LETMD1: variants seen among roughly 807,000 people sequenced by gnomAD.
The protein encoded by LETMD1 is LETM1 domain containing 1.
LETMD1 carries 30 observed loss-of-function variants against 43.9 expected under a neutral mutation model. That is an observed-to-expected ratio of 0.68 (90% CI 0.51 to 0.93). The LOEUF (loss-of-function observed/expected upper bound fraction) is 0.93. LETMD1 is among the 40% of genes least tolerant of loss of function. The pLI, the probability that LETMD1 is intolerant of heterozygous loss-of-function variation, is 0.00. For missense variants in LETMD1, 413 were observed against 447.7 expected (o/e 0.92, Z 0.70); for synonymous variants, 176 against 163.1 (o/e 1.08, Z -0.60).
rs1382285487 is a variant in LETMD1, at chr12:51,056,024, A to G, written c.660+3A>G. ...GTCTGACAGATCTGTGCACCAAGGT[A>G]TTCCTGCAGTTAACCCTTCCTACAA... On this transcript the variant is annotated splice_donor_region_variant and intron_variant, in intron 5 of 8. Coordinates refer to ENST00000262055, the MANE Select transcript of LETMD1 (RefSeq NM_015416.5). 1.2e-6 allele frequency: 2 copies of G among 1,613,108 alleles called. No individual in the cohort carries two copies. The highest frequency in any genetic ancestry group is 1.7e-6 in the Non-Finnish European group (2 of 1,179,456).
chr12:51,058,092 C>T lies in LETMD1; in HGVS notation c.976C>T (p.Leu326=). 6.2e-7 allele frequency: 1 copy of T among 1,613,384 alleles called. No individual in the cohort carries two copies. The highest frequency in any genetic ancestry group is 8.5e-7 in the Non-Finnish European group (1 of 1,179,356). The change falls in exon 8 of 9, where the codon CTG becomes TTG. Residue 326 remains leucine (L), a synonymous_variant. Coordinates refer to ENST00000262055, the MANE Select transcript of LETMD1 (RefSeq NM_015416.5). ...HIGEDRCRTW[L]GEWLQISCSL... ...TGGTGAAGATAGGTGTCGAACTTGG[C>T]TGGGAGAATGGCTGCAGATTTCCTG...
At chr12:51,056,086 A>G in intron 5 of LETMD1, 58 bp from the exon 6 acceptor site, 1 of 1,606,870 alleles carries the variant, frequency 6.2e-7, no homozygotes, top group Non-Finnish European at 8.5e-7. Flanking sequence ...GCACTAAACT[A>G]GGTAAGAGGA....
rs1327810998 is a variant in LETMD1, at chr12:51,060,104, TTC to T, written c.*675_*676del. 1 of 152,908 alleles carries T rather than the reference TTC, an allele frequency of 6.5e-6. No individual in the cohort carries two copies. The highest frequency in any genetic ancestry group is 1.5e-5 in the Non-Finnish European group (1 of 68,246). The allele number at this position is 152,908 out of a possible 1,614,324, so 9.5% of individuals were successfully genotyped here. A position where few individuals can be genotyped will look rare whatever the true frequency, so the allele number is the denominator to read the frequency against. The stretch of plus-strand genomic sequence containing the variant: ...TGCTTCTTGACCCCTTCCTCAATGT[TTC>T]TAGCCTTCACTCTCCATTGTCTTTT... On this transcript the variant is annotated 3_prime_UTR_variant, in exon 9 of 9. Coordinates refer to ENST00000262055, the MANE Select transcript of LETMD1 (RefSeq NM_015416.5).
At chr12:51,063,076 A>G (rs1260703485), downstream of LETMD1, 1 of 152,280 alleles carries the variant, frequency 6.6e-6, no homozygotes, top group Non-Finnish European at 1.5e-5. Context: ...TAACTCTAGT[A>G]CTTAAGAACA....
At chr12:51,063,822 C>A, downstream of LETMD1, 1 of 1,612,730 alleles carries the variant, frequency 6.2e-7, no homozygotes, top group South Asian at 1.1e-5. Context: ...CTTCACCATC[C>A]CACAGCCCTC....
At chr12:51,051,904 A>G (rs1236917013) in intron 2 of LETMD1, among the ~76,000 whole-genome samples, 188 bp from the exon 3 acceptor site, 1 of 152,170 alleles carries the variant, frequency 6.6e-6, no homozygotes, top group Non-Finnish European at 1.5e-5. Flanking sequence ...GCGATGTGCT[A>G]GGGGAAAAAA....
chr12:51,049,252 A>C (rs1945260708), intron 2 of LETMD1, 67 bp downstream of exon 2: 2 of 1,401,374 alleles, frequency 1.4e-6, no homozygotes. Context: ...GTTAGCATAA[A>C]TAAGATCATT....
At chr12:51,060,770 T>C (rs185956668), downstream of LETMD1, among the ~76,000 whole-genome samples, 341 of 151,976 alleles carry the variant, frequency 2.2e-3, no homozygotes, top group African/African-American at 7.6e-3. Flanking sequence ...GGCGTGGTGG[T>C]GGGCGCCTGT....
chr12:51,068,365 T>C, the LETMD1 span, among the ~76,000 whole-genome samples: 1 of 152,274 alleles, frequency 6.6e-6, no homozygotes, highest in South Asian at 2.1e-4. Context: ...TTGGCCAGGC[T>C]AGTCTTGAAC....
At chr12:51,049,359 T>A (rs1221521477) in intron 2 of LETMD1, 174 bp downstream of exon 2, 1 of 550,436 alleles carries the variant, frequency 1.8e-6, no homozygotes, top group Non-Finnish European at 3.1e-6. Context: ...TTCTTGAGAA[T>A]GTTTCTAGAA....
In LETMD1 at chr12:51,059,145, A is replaced by G. The variant is rs1022550265; in HGVS notation, c.1013-216A>G. 92 of 532,706 alleles carry G rather than the reference A, an allele frequency of 1.7e-4. No homozygotes were observed. The Admixed American group carries it at 2.8e-3, about 16-fold the overall frequency. 33.0% of individuals were successfully genotyped at this position (532,706 alleles called of 1,614,324 possible). On this transcript the variant is annotated intron_variant, in intron 8 of 8. Transcript: ENST00000262055. Reference sequence around the variant, plus strand: ...TCTCTGAATTTTCTACTGCAATCACATGAGAAATAGAGGATGAGTTGATAC... The same window carrying G: ...TCTCTGAATTTTCTACTGCAATCACGTGAGAAATAGAGGATGAGTTGATAC...
downstream of LETMD1, chr12:51,064,054 A>G: frequency 6.2e-7 from 1 of 1,614,224 alleles, no homozygotes; most frequent in Non-Finnish European, 8.5e-7. Flanking sequence ...TTTGGGAAAG[A>G]GGCTGAGCCT....
intron 8 of LETMD1, chr12:51,058,592 A>G (rs1948401373): frequency 6.4e-6 from 1 of 156,938 alleles, no homozygotes; most frequent in Non-Finnish European, 1.4e-5. Flanking sequence ...CTAATTTCGT[A>G]TTTTTTTTTA....
chr12:51,049,119 A>G lies in LETMD1; in HGVS notation c.208A>G (p.Lys70Glu), dbSNP rs1945207553. 3 of 1,614,086 alleles carry G rather than the reference A, an allele frequency of 1.9e-6. No individual in the cohort carries two copies. In the East Asian group the frequency reaches 6.7e-5, roughly 36 times the overall value. The part of the protein sequence containing the change: ...VVTKTKAING[K>E]YHRFLGRHFP... ...AACCAAGACAAAAGCGATTAATGGGAAATACCATCGTTTCTTGGGTCGTCA... is the reference window on the plus strand; with the variant it reads ...AACCAAGACAAAAGCGATTAATGGGGAATACCATCGTTTCTTGGGTCGTCA... The change falls in exon 2 of 9, where the codon AAA (lysine) becomes GAA (glutamate). Residue 70 changes from lysine (K) to glutamate (E), a missense_variant. Physicochemically the swap from Lys to Glu is moderately conservative, Grantham distance 56. Transcript: ENST00000262055.
the LETMD1 span, among the ~76,000 whole-genome samples, chr12:51,067,292 A>G: frequency 2.0e-5 from 3 of 152,170 alleles, no homozygotes; most frequent in Non-Finnish European, 4.4e-5. The surrounding 1 kb of genome is among the most constrained non-coding windows in gnomAD (Gnocchi z 4.1). Context: ...GAAATGAAAC[A>G]AAAAAAGATG....
downstream of LETMD1, chr12:51,061,546 T>C (rs746336604): frequency 6.6e-6 from 1 of 152,640 alleles, no homozygotes; most frequent in African/African-American, 2.4e-5. Flanking sequence ...GGCCTTTCGC[T>C]TGACAAGACA....
chr12:51,068,041 C>T, the LETMD1 span: 4 of 1,416,900 alleles, frequency 2.8e-6, no homozygotes, highest in Non-Finnish European at 3.9e-6. Flanking sequence ...CATCCCAGAG[C>T]AGCACTGTCC....
At position 51,056,437 on chromosome 12, in the gene LETMD1, C is replaced by G; in HGVS notation, c.850C>G (p.His284Asp). Residue 284 changes from histidine to aspartate, a missense_variant, in exon 7 of 9, where the codon CAC becomes GAC. Coordinates refer to ENST00000262055, the MANE Select transcript of LETMD1 (RefSeq NM_015416.5). Reference sequence around the variant, plus strand: ...TTTGAAGACTCATACAACTGTGATTCACCAACTGGACAAGGCTTTGGCAAA... The same window carrying G: ...TTTGAAGACTCATACAACTGTGATTGACCAACTGGACAAGGCTTTGGCAAA... ...HRLKTHTTVI[H>D]QLDKALAKLG... 6.2e-7 allele frequency: 1 copy of G among 1,614,196 alleles called. No homozygotes were observed. The highest frequency in any genetic ancestry group is 8.5e-7 in the Non-Finnish European group (1 of 1,180,042).
intron 4 of LETMD1, among the ~76,000 whole-genome samples, chr12:51,054,579 C>T (rs1349033453): frequency 6.6e-6 from 1 of 152,162 alleles, no homozygotes; most frequent in African/African-American, 2.4e-5. Context: ...GGACTTCTAA[C>T]TTGGGAGCTC....
Sources: gnomAD v4.1 joint callset for allele counts (sites outside exome capture counted in the v4.1 genomes callset) on GRCh38, gnomAD v4.1.1 for gene constraint, Gnocchi (gnomAD v3.1) non-coding constraint, MANE v1.5 for transcripts, NCBI Gene and HGNC (gene_info 2026-07-23, HGNC 2026-07-21) for gene names.